The following CPNE4 variants were observed in gnomAD, a reference collection of about 807,000 sequenced individuals.
CPNE4 encodes the protein copine 4, also known as copine-4.
CPNE4 carries 25 observed loss-of-function variants against 67.9 expected under a neutral mutation model. The observed-to-expected ratio is 0.37, with a 90% CI of 0.27 to 0.51. CPNE4 has a LOEUF of 0.51. Among genes scored for constraint, CPNE4 ranks in the 20% least tolerant of loss-of-function variants. The pLI, the probability that CPNE4 is intolerant of heterozygous loss-of-function variation, is 0.93. For synonymous variants in CPNE4, 242 were observed against 244.9 expected (o/e 0.99, Z 0.11); for missense variants, 464 against 690.8 (o/e 0.67, Z 3.68).
chr3:131,781,183 T>G (rs1560297359), intron 2 of CPNE4, among the ~76,000 whole-genome samples: 1 of 152,096 alleles, frequency 6.6e-6, no homozygotes, highest in Non-Finnish European at 1.5e-5. Flanking sequence ...TTGGTCCCAC[T>G]CTACCAAGAA....
intron 2 of CPNE4, among the ~76,000 whole-genome samples, chr3:131,758,329 G>A (rs1208385659): frequency 1.3e-5 from 2 of 152,188 alleles, no homozygotes; most frequent in Non-Finnish European, 2.9e-5. Flanking sequence ...GTGAGACCTG[G>A]AGTCAAAGGA....
intron 9 of CPNE4, among the ~76,000 whole-genome samples, chr3:131,581,285 A>T (rs1937818395): frequency 6.6e-6 from 1 of 152,138 alleles, no homozygotes; most frequent in Non-Finnish European, 1.5e-5. Flanking sequence ...CCCCATTTGG[A>T]GATCTCCCTC....
chr3:131,738,880 G>C (rs1291554514), intron 2 of CPNE4, among the ~76,000 whole-genome samples: 4 of 139,924 alleles, frequency 2.9e-5, no homozygotes, highest in African/African-American at 1.1e-4. Context: ...TTAAGATGGA[G>C]TTTTGCTCTC....
chr3:131,640,446 A>G (rs1230190550), intron 7 of CPNE4, among the ~76,000 whole-genome samples: 2 of 152,172 alleles, frequency 1.3e-5, no homozygotes, highest in African/African-American at 4.8e-5. Context: ...TTACTTAGGA[A>G]TATACCTAAC....
chr3:131,625,783 CTT>C (rs2079058374), intron 7 of CPNE4, among the ~76,000 whole-genome samples: 1 of 152,138 alleles, frequency 6.6e-6, no homozygotes, highest in Non-Finnish European at 1.5e-5. Context: ...TGCAGGCACA[CTT>C]TGTTTTATTT....
chr3:131,981,378 G>A (rs747664952), intron 1 of CPNE4, among the ~76,000 whole-genome samples: 5 of 152,086 alleles, frequency 3.3e-5, no homozygotes, highest in Admixed American at 6.5e-5. Flanking sequence ...AGCTGCTGTG[G>A]GGAATGGGGG....
chr3:131,789,355 T>C (rs545947378), intron 2 of CPNE4, among the ~76,000 whole-genome samples: 7 of 152,300 alleles, frequency 4.6e-5, no homozygotes, highest in South Asian at 2.1e-4. Flanking sequence ...AATGAGGTTA[T>C]AAATATCCAC....
chr3:131,854,816 C>G (rs924663893), intron 2 of CPNE4, among the ~76,000 whole-genome samples: 1 of 151,464 alleles, frequency 6.6e-6, no homozygotes, highest in East Asian at 1.9e-4. Flanking sequence ...CCTCCTCCTT[C>G]TCTCCCTCCT....
upstream of CPNE4, chr3:132,037,511 C>A (rs1188212695): frequency 7.6e-6 from 11 of 1,438,670 alleles, no homozygotes; most frequent in Non-Finnish European, 9.4e-6. Flanking sequence ...AGCCACAGTC[C>A]CCTCAACAAT....
intron 7 of CPNE4, among the ~76,000 whole-genome samples, chr3:131,605,086 A>G (rs1474814875): frequency 6.6e-6 from 1 of 152,150 alleles, no homozygotes; most frequent in African/African-American, 2.4e-5. Context: ...CAGGAATGCT[A>G]GGTAACTTTA....
intron 1 of CPNE4, among the ~76,000 whole-genome samples, chr3:131,911,965 C>G (rs1374955161): frequency 6.6e-6 from 1 of 152,100 alleles, no homozygotes; most frequent in Non-Finnish European, 1.5e-5. Flanking sequence ...AACGAGTGAT[C>G]AGCTACCTCT....
At chr3:131,905,151 C>T (rs1560574192) in intron 2 of CPNE4, 113 bp downstream of exon 2, 1 of 920,472 alleles carries the variant, frequency 1.1e-6, no homozygotes, top group East Asian at 2.5e-5. Context: ...ATCATATTCA[C>T]TTCTCAAATT....
At chr3:132,035,679 C>A (rs1489604165), upstream of CPNE4, among the ~76,000 whole-genome samples, 1 of 152,158 alleles carries the variant, frequency 6.6e-6, no homozygotes, top group Admixed American at 6.5e-5. Context: ...CAAACTTATT[C>A]AAATTCAGAC....
intron 1 of CPNE4, among the ~76,000 whole-genome samples, chr3:131,936,518 C>G (rs760913067): frequency 1.1e-4 from 17 of 152,070 alleles, no homozygotes; most frequent in Non-Finnish European, 1.8e-4. Flanking sequence ...TCTGGACTCT[C>G]ATCACCTCAA....
intron 2 of CPNE4, among the ~76,000 whole-genome samples, chr3:131,846,717 T>C (rs1481171403): frequency 6.6e-6 from 1 of 152,240 alleles, no homozygotes; most frequent in Non-Finnish European, 1.5e-5. Flanking sequence ...TTCAGTTTTC[T>C]GGTTCAGACC....
At chr3:131,793,830 G>A (rs184608990) in intron 2 of CPNE4, among the ~76,000 whole-genome samples, 1 of 152,014 alleles carries the variant, frequency 6.6e-6, no homozygotes, top group Non-Finnish European at 1.5e-5. Flanking sequence ...GTATACATGA[G>A]ATTAGAGTCC....
At chr3:131,669,640 T>G (rs749226065) in intron 7 of CPNE4, 35 bp downstream of exon 7, 9 of 1,525,842 alleles carry the variant, frequency 5.9e-6, no homozygotes, top group Non-Finnish European at 7.2e-6. Flanking sequence ...ATACTTTTTT[T>G]AAAAAATCAC....
chr3:131,996,657 T>A (rs1290739704), intron 1 of CPNE4, among the ~76,000 whole-genome samples: 2 of 151,718 alleles, frequency 1.3e-5, no homozygotes, highest in Non-Finnish European at 2.9e-5. Flanking sequence ...TGTGATTGGA[T>A]CAGATTCTCC....
At chr3:132,023,479 CTTTTTTTTTTTTT>C (rs575505348) in intron 1 of CPNE4, among the ~76,000 whole-genome samples, 16 of 84,596 alleles carry the variant, frequency 1.9e-4, no homozygotes, top group African/African-American at 8.3e-4. Context: ...GCAGATCAGC[CTTTTTTTTTTTTT>C]TTTTTTTTTT....
Sources: allele counts gnomAD v4.1 joint callset (sites outside exome capture counted in the v4.1 genomes callset), GRCh38; gene constraint gnomAD v4.1.1; transcripts MANE v1.5; gene names NCBI Gene and HGNC (gene_info 2026-07-23, HGNC 2026-07-21).